MYO5B: variants seen among roughly 807,000 people sequenced by gnomAD.
The protein encoded by MYO5B is myosin VB.
Under a neutral mutation model 229.3 loss-of-function variants are expected in MYO5B, and 143 were observed. The observed-to-expected ratio is 0.62, with a 90% CI of 0.54 to 0.72. The LOEUF (loss-of-function observed/expected upper bound fraction) is 0.72. Among genes scored for constraint, MYO5B ranks in the 30% least tolerant of loss-of-function variants. The pLI is 0.00. For missense variants in MYO5B, 2,321 were observed against 2,331.0 expected, an observed-to-expected ratio of 1.00 and a Z score of 0.09; for synonymous variants, 918 against 885.2, an observed-to-expected ratio of 1.04 and a Z score of -0.66.
chr18:49,920,293 T>C (rs2025060278), intron 17 of MYO5B, among the ~76,000 whole-genome samples: 1 of 152,192 alleles, frequency 6.6e-6, no homozygotes. Flanking sequence ...GTGAATTTTA[T>C]AGTAGATAAA....
intron 1 of MYO5B, among the ~76,000 whole-genome samples, chr18:50,108,500 C>T (rs912590134): frequency 1.3e-5 from 2 of 152,138 alleles, no homozygotes; most frequent in South Asian, 4.1e-4. Context: ...ATCGAATCAG[C>T]TGAGTCCACA....
chr18:49,911,154 G>A (rs1158310022), intron 18 of MYO5B, among the ~76,000 whole-genome samples: 1 of 152,228 alleles, frequency 6.6e-6, no homozygotes. Flanking sequence ...TTCAGGGCTA[G>A]GCCTGGGCTC....
intron 1 of MYO5B, among the ~76,000 whole-genome samples, chr18:50,184,299 T>C (rs888801989): frequency 1.3e-5 from 2 of 152,062 alleles, no homozygotes; most frequent in Non-Finnish European, 1.5e-5. Context: ...TCAGACCACC[T>C]GCCGTTCTTT....
At chr18:50,005,366 A>G (rs1247641144) in intron 4 of MYO5B, among the ~76,000 whole-genome samples, 1 of 151,904 alleles carries the variant, frequency 6.6e-6, no homozygotes, top group African/African-American at 2.4e-5. Flanking sequence ...TATAGAGAAT[A>G]CCTCCCCATC....
chr18:49,971,903 A>C (rs969185862), intron 10 of MYO5B, among the ~76,000 whole-genome samples: 43 of 152,206 alleles, frequency 2.8e-4, no homozygotes, highest in African/African-American at 9.7e-4. Context: ...ACTTTATAAC[A>C]AAAAAAGTGA....
intron 2 of MYO5B, among the ~76,000 whole-genome samples, chr18:50,052,459 A>G (rs1029666809): frequency 1.3e-5 from 2 of 149,840 alleles, no homozygotes; most frequent in African/African-American, 4.9e-5. Context: ...ACAAGGACAA[A>G]AAACCAAACA....
At chr18:50,040,535 C>A (rs1171839711) in intron 2 of MYO5B, among the ~76,000 whole-genome samples, 1 of 152,230 alleles carries the variant, frequency 6.6e-6, no homozygotes, top group Admixed American at 6.5e-5. Flanking sequence ...GCTCAGGAAA[C>A]ATAACCAGGT....
At chr18:50,083,070 C>T (rs73446686) in intron 1 of MYO5B, among the ~76,000 whole-genome samples, 17,749 of 152,152 alleles carry the variant, frequency 0.12, 2,104 homozygotes, top group African/African-American at 0.31. Context: ...AGTAATTTAC[C>T]AGAACAGCTT....
chr18:50,148,421 T>G (rs2032540502), intron 1 of MYO5B, among the ~76,000 whole-genome samples: 1 of 151,590 alleles, frequency 6.6e-6, no homozygotes, highest in African/African-American at 2.4e-5. Context: ...TGAACATTGA[T>G]GCAAAAATCC....
At chr18:49,841,139 G>C (rs1388339279) in intron 35 of MYO5B, among the ~76,000 whole-genome samples, 2 of 152,180 alleles carry the variant, frequency 1.3e-5, no homozygotes, top group East Asian at 3.9e-4. Context: ...TAACCCAGGA[G>C]TGCTTTTTGG....
At chr18:49,907,065 G>T (rs1376478325) in intron 18 of MYO5B, among the ~76,000 whole-genome samples, 1 of 152,162 alleles carries the variant, frequency 6.6e-6, no homozygotes, top group Non-Finnish European at 1.5e-5. Context: ...AAGAAGGAAG[G>T]AGGAAAGTTC....
chr18:49,988,815 G>T (rs1034479297), intron 7 of MYO5B, among the ~76,000 whole-genome samples: 2 of 152,208 alleles, frequency 1.3e-5, no homozygotes, highest in Admixed American at 1.3e-4. Flanking sequence ...GCTCAGGACA[G>T]TGTGCAAAGA....
chr18:49,863,621 TG>T (rs561308102), intron 28 of MYO5B, among the ~76,000 whole-genome samples: 15 of 152,118 alleles, frequency 9.9e-5, no homozygotes, highest in Non-Finnish European at 1.6e-4. Context: ...AGGTAGACCC[TG>T]GTTCAGCTGG....
At chr18:49,851,087 T>C (rs1476009234) in intron 31 of MYO5B, 2 of 152,212 alleles carry the variant, frequency 1.3e-5, no homozygotes, top group Non-Finnish European at 2.9e-5. Flanking sequence ...CACTACACCC[T>C]GGGAGGACAG....
At chr18:50,184,381 A>G (rs2033118143) in intron 1 of MYO5B, among the ~76,000 whole-genome samples, 1 of 152,124 alleles carries the variant, frequency 6.6e-6, no homozygotes, top group South Asian at 2.1e-4. Flanking sequence ...GTTGCAGGGC[A>G]GTGCTAGGCA....
At position 49,825,184 on chromosome 18, in the gene MYO5B, AGT is replaced by A. The variant is rs1275235177; in HGVS notation, c.*1285_*1286del. The A allele has an allele frequency of 6.6e-6, 1 of 152,238 alleles. No homozygotes were observed. The highest frequency in any genetic ancestry group is 1.5e-5 in the Non-Finnish European group (1 of 68,044). 9.4% of individuals were successfully genotyped at this position (152,238 alleles called of 1,614,324 possible). A position where few individuals can be genotyped will look rare whatever the true frequency, so the allele number is the denominator to read the frequency against. ...AAATACAGAAAAGACAGTAAAAAAA[AGT>A]GTGGAAAGAATATGGGTTTCCAATT... is the stretch of plus-strand genomic sequence containing the variant. On this transcript the variant is annotated 3_prime_UTR_variant, in exon 40 of 40. Coordinates refer to ENST00000285039, the MANE Select transcript of MYO5B (RefSeq NM_001080467.3).
chr18:50,097,469 A>G (rs994663041), intron 1 of MYO5B: 29 of 333,592 alleles, frequency 8.7e-5, no homozygotes, highest in East Asian at 1.6e-4. Flanking sequence ...GAACTCAACC[A>G]TAAGAGAAGT....
At chr18:50,079,057 T>A (rs977310386) in intron 1 of MYO5B, among the ~76,000 whole-genome samples, 7 of 152,220 alleles carry the variant, frequency 4.6e-5, no homozygotes, top group Non-Finnish European at 1.0e-4. Context: ...TCAGGACAAG[T>A]GACTCTGGGG....
At chr18:50,058,527 T>G (rs752516476) in intron 1 of MYO5B, among the ~76,000 whole-genome samples, 1 of 151,200 alleles carries the variant, frequency 6.6e-6, no homozygotes, top group Non-Finnish European at 1.5e-5. Flanking sequence ...AAAAACACAG[T>G]AGGCCGGGCA....
Sources: allele counts gnomAD v4.1 joint callset (sites outside exome capture counted in the v4.1 genomes callset), GRCh38; gene constraint gnomAD v4.1.1; transcripts MANE v1.5; gene names NCBI Gene and HGNC (gene_info 2026-07-23, HGNC 2026-07-21).